The following CSMD1 variants were observed in gnomAD, a reference collection of about 807,000 sequenced individuals.
CSMD1 encodes CUB and Sushi multiple domains 1.
A neutral mutation model predicts 417.5 loss-of-function variants in CSMD1; 213 were observed. That is an observed-to-expected ratio of 0.51 (90% confidence interval 0.46 to 0.57). The LOEUF is 0.57. CSMD1 is among the 20% of genes least tolerant of loss of function. The pLI is 0.00. For synonymous variants in CSMD1, 2,862 were observed against 1,736.8 expected (o/e 1.65, Z -16.11); for missense variants, 6,923 against 4,529.7 (o/e 1.53, Z -15.17).
intron 12 of CSMD1, among the ~76,000 whole-genome samples, chr8:3,419,481 T>G (rs1376129165): frequency 2.0e-5 from 3 of 152,194 alleles, no homozygotes; most frequent in Admixed American, 2.0e-4. Context: ...TAAATAAGCA[T>G]ATACACTGAT....
At position 4,164,330 on chromosome 8, in the gene CSMD1, C is replaced by G. The variant is rs187510903; in HGVS notation, c.416-132231G>C. Among the ~76,000 whole-genome samples, 1,417 of 152,064 alleles carry G rather than the reference C, an allele frequency of 9.3e-3. 23 individuals carry two copies. The highest frequency in any genetic ancestry group is 0.032 in the African/African-American group (1,344 of 41,458). On this transcript the variant is annotated intron_variant, in intron 3 of 69. Coordinates refer to ENST00000635120, the MANE Select transcript of CSMD1 (RefSeq NM_033225.6). ...AATCCATCTACATTTAAAAACATATCTAAATAGTATTCATAAAACAACAGT... is the reference window on the plus strand; with the variant it reads ...AATCCATCTACATTTAAAAACATATGTAAATAGTATTCATAAAACAACAGT...
intron 12 of CSMD1, among the ~76,000 whole-genome samples, chr8:3,450,498 T>A (rs887647383): frequency 2.0e-5 from 3 of 150,478 alleles, no homozygotes; most frequent in Admixed American, 2.0e-4. Flanking sequence ...TGTGTGATGT[T>A]CCCCTTCCTG....
At chr8:3,177,119 C>A (rs259855) in intron 37 of CSMD1, among the ~76,000 whole-genome samples, 1 of 151,926 alleles carries the variant, frequency 6.6e-6, no homozygotes, top group South Asian at 2.1e-4. Context: ...CCAGAAGAGA[C>A]GAGAGCCGCA....
At chr8:4,560,509 T>G (rs1019040893) in intron 2 of CSMD1, among the ~76,000 whole-genome samples, 2 of 152,146 alleles carry the variant, frequency 1.3e-5, no homozygotes, top group Non-Finnish European at 2.9e-5. Context: ...CACCCAAACT[T>G]TAACATGATT....
intron 3 of CSMD1, among the ~76,000 whole-genome samples, chr8:4,106,524 T>G: frequency 6.6e-6 from 1 of 152,252 alleles, no homozygotes; most frequent in African/African-American, 2.4e-5. Context: ...GAGCCTCCTA[T>G]GATATTTTAA....
intron 1 of CSMD1, among the ~76,000 whole-genome samples, chr8:4,983,024 G>A (rs894106458): frequency 2.6e-5 from 4 of 152,130 alleles, no homozygotes; most frequent in Non-Finnish European, 5.9e-5. Context: ...CATATCTGCT[G>A]AACAAGCTCT....
At chr8:3,381,585 G>C (rs1040994704) in intron 18 of CSMD1, among the ~76,000 whole-genome samples, 2 of 152,052 alleles carry the variant, frequency 1.3e-5, no homozygotes, top group African/African-American at 4.8e-5. Flanking sequence ...ACAAATATTT[G>C]CATCGTCTAT....
intron 3 of CSMD1, among the ~76,000 whole-genome samples, chr8:4,102,348 TG>T (rs562321847): frequency 6.1e-4 from 93 of 152,340 alleles, no homozygotes; most frequent in African/African-American, 1.8e-3. Context: ...ATTTTTGCTT[TG>T]TTTTTCCTTG....
intron 1 of CSMD1, among the ~76,000 whole-genome samples, chr8:4,940,536 T>G (rs1050099842): frequency 6.6e-6 from 1 of 152,220 alleles, no homozygotes; most frequent in Non-Finnish European, 1.5e-5. Flanking sequence ...GAAATCAAAC[T>G]GAAAATTCAT....
chr8:3,083,184 C>G (rs1175496060), intron 49 of CSMD1, among the ~76,000 whole-genome samples: 1 of 152,022 alleles, frequency 6.6e-6, no homozygotes, highest in Admixed American at 6.6e-5. Context: ...TATTAACTCT[C>G]TTTAAACAAA....
Position 4,436,571 on chromosome 8 carries a change from G to C in CSMD1, c.303-16506C>G, listed in dbSNP as rs79647224. Among the ~76,000 whole-genome samples, 1,123 of 152,210 alleles carry C rather than the reference G, an allele frequency of 7.4e-3. 19 individuals carry two copies. The highest frequency in any genetic ancestry group is 0.026 in the African/African-American group (1,059 of 41,518). On this transcript the variant is annotated intron_variant, in intron 2 of 69. Coordinates refer to ENST00000635120, the MANE Select transcript of CSMD1 (RefSeq NM_033225.6). ...ACTGTAAGTTATTTTAAAATTGACA[G>C]TTACTGTTGATTATATCCATCCTGC...
intron 3 of CSMD1, among the ~76,000 whole-genome samples, chr8:4,418,813 G>C (rs975775541): frequency 6.6e-6 from 1 of 152,136 alleles, no homozygotes; most frequent in Non-Finnish European, 1.5e-5. Context: ...CGTACTTAAA[G>C]GTGATAGACC....
chr8:4,851,140 C>T (rs546177039), intron 1 of CSMD1, among the ~76,000 whole-genome samples: 1 of 139,938 alleles, frequency 7.1e-6, no homozygotes, highest in East Asian at 2.5e-4. Context: ...TGATATTCCC[C>T]TTCCTGTGTC....
At chr8:2,994,469 A>C (rs528445111) in intron 54 of CSMD1, among the ~76,000 whole-genome samples, 2 of 152,308 alleles carry the variant, frequency 1.3e-5, no homozygotes, top group African/African-American at 4.8e-5. Context: ...GGCAGTGGAA[A>C]GTTCCCAAAA....
At chr8:3,665,267 T>C (rs1290172026) in intron 7 of CSMD1, among the ~76,000 whole-genome samples, 1 of 152,172 alleles carries the variant, frequency 6.6e-6, no homozygotes, top group Non-Finnish European at 1.5e-5. Context: ...ACATCTGTAA[T>C]TCCTGTAATC....
intron 10 of CSMD1, among the ~76,000 whole-genome samples, chr8:3,523,826 C>T (rs1321183669): frequency 1.4e-5 from 2 of 147,476 alleles, no homozygotes; most frequent in African/African-American, 5.0e-5. Flanking sequence ...CGCACATATG[C>T]ATGCACACCC....
intron 2 of CSMD1, among the ~76,000 whole-genome samples, chr8:4,423,337 G>C (rs369584047): frequency 6.6e-6 from 1 of 152,016 alleles, no homozygotes; most frequent in Non-Finnish European, 1.5e-5. Context: ...AAAATTTGTA[G>C]AGCTAATACT....
chr8:3,311,051 T>TGGGAAATACCTTATAAACCCATC (rs1563258560), intron 23 of CSMD1, among the ~76,000 whole-genome samples: 7 of 152,080 alleles, frequency 4.6e-5, no homozygotes, highest in Non-Finnish European at 7.4e-5. Context: ...ATAAACCCAT[T>TGGGAAATACCTTATAAACCCATC]AAGAGTGGGA....
intron 40 of CSMD1, among the ~76,000 whole-genome samples, chr8:3,144,589 T>C (rs1210987295): frequency 6.6e-6 from 1 of 152,134 alleles, no homozygotes; most frequent in East Asian, 1.9e-4. Flanking sequence ...TTGGCCATTC[T>C]AACATCGTCT....
Sources: allele counts gnomAD v4.1 joint callset (sites outside exome capture counted in the v4.1 genomes callset), GRCh38; gene constraint gnomAD v4.1.1; transcripts MANE v1.5; gene names NCBI Gene and HGNC (gene_info 2026-07-23, HGNC 2026-07-21).